The following AKR1C3 variants were observed in gnomAD, a reference collection of about 807,000 sequenced individuals.
AKR1C3 encodes 3-alpha hydroxysteroid dehydrogenase, type II.
A neutral mutation model predicts 43.6 loss-of-function variants in AKR1C3; 48 were observed. The ratio of observed to expected loss-of-function variants is 1.10; its 90% CI spans 0.87 to 1.40. The LOEUF (loss-of-function observed/expected upper bound fraction) is 1.40. Among genes scored for constraint, AKR1C3 ranks in the 40% most tolerant of loss-of-function variants. The pLI is 0.00. For missense variants in AKR1C3, 482 were observed against 391.2 expected (o/e 1.23, Z -1.96); for synonymous variants, 162 against 139.6 (o/e 1.16, Z -1.13).
intron 1 of AKR1C3, among the ~76,000 whole-genome samples, chr10:5,094,796 G>A (rs1220772437): frequency 6.6e-6 from 1 of 152,146 alleles, no homozygotes; most frequent in East Asian, 1.9e-4. Flanking sequence ...GTAAAACTCA[G>A]TATTGAAGAA....
Position 5,105,591 on chromosome 10 carries a change from ATAGGTTTT to A in AKR1C3, c.847-2_852del. 3 of 1,611,784 alleles carry A rather than the reference ATAGGTTTT, an allele frequency of 1.9e-6. No homozygotes were observed. In the South Asian group the frequency reaches 3.3e-5, roughly 18 times the overall value. ...AAATAATAAAAGTTTTTTATTTCTGATAGGTTTTTGAGTTCCAGTTGACTGCAGAGGAC... is the reference window on the plus strand; with the variant it reads ...AAATAATAAAAGTTTTTTATTTCTGATGAGTTCCAGTTGACTGCAGAGGAC... On this transcript the variant is annotated splice_acceptor_variant and splice_polypyrimidine_tract_variant and coding_sequence_variant and intron_variant, in exon 8 of 9. Transcript: ENST00000380554. LOFTEE classifies it high-confidence loss of function.
intron 1 of AKR1C3, among the ~76,000 whole-genome samples, chr10:5,086,599 G>T (rs1165581615): frequency 6.7e-6 from 1 of 150,352 alleles, no homozygotes; most frequent in South Asian, 2.1e-4. Flanking sequence ...GGTCCGCTTG[G>T]TGCAGAGCTG....
intron 1 of AKR1C3, among the ~76,000 whole-genome samples, chr10:5,087,686 TTCTGTATTG>T (rs1211363069): frequency 6.6e-6 from 1 of 152,110 alleles, no homozygotes; most frequent in Non-Finnish European, 1.5e-5. Flanking sequence ...CCTTTATCTT[TTCTGTATTG>T]TATTTTTTTG....
Position 5,099,372 on chromosome 10 carries a change from G to A in AKR1C3, c.493G>A (p.Val165Met). Residue 165 changes from valine (V) to methionine (M), a missense_variant, in exon 5 of 9, where the codon GTG (valine) becomes ATG (methionine). By Grantham distance (21) the Val-to-Met change is conservative. Transcript: ENST00000380554. ...KDAGLAKSIG[V>M]SNFNRRQLEM... The stretch of plus-strand genomic sequence containing the variant: ...TGCAGGATTGGCCAAGTCCATTGGG[G>A]TGTCAAACTTCAACCGCAGGCAGCT... 1 of 1,614,158 alleles carries A rather than the reference G, an allele frequency of 6.2e-7. No individual in the cohort carries two copies. The highest frequency in any genetic ancestry group is 8.5e-7 in the Non-Finnish European group (1 of 1,180,042).
chr10:5,089,543 T>C (rs1588349725), upstream of AKR1C3, among the ~76,000 whole-genome samples: 1 of 152,262 alleles, frequency 6.6e-6, no homozygotes, highest in African/African-American at 2.4e-5. Flanking sequence ...CTCTCAAAGA[T>C]TTAAACTGTA....
intron 1 of AKR1C3, among the ~76,000 whole-genome samples, chr10:5,062,221 C>A (rs1554780312): frequency 6.6e-6 from 1 of 152,174 alleles, no homozygotes; most frequent in African/African-American, 2.4e-5. Flanking sequence ...CTCTGGCGGC[C>A]ACCTTAACCC....
In AKR1C3 at chr10:5,107,467, T is replaced by C. The variant is rs376535618; in HGVS notation, c.936T>C (p.Ala312=). Reference sequence around the variant, plus strand: ...TACATTATTCTCTTTTCAGTTTTGCTAGCCACCCTAATTATCCATATTCAG... The same window carrying C: ...TACATTATTCTCTTTTCAGTTTTGCCAGCCACCCTAATTATCCATATTCAG... ...NLHYFNSDSF[A]SHPNYPYSDE... is the part of the protein sequence containing the mutation. Residue 312 remains alanine (A), a synonymous_variant, in exon 9 of 9, where the codon GCT becomes GCC. Transcript: ENST00000380554. 6.3e-7 allele frequency: 1 copy of C among 1,578,120 alleles called. No individual in the cohort carries two copies. Among genetic ancestry groups the C allele is most frequent in the African/African-American group, 1.4e-5 (1 of 73,984 alleles).
chr10:5,087,018 T>C (rs1838981390), intron 1 of AKR1C3, among the ~76,000 whole-genome samples: 2 of 152,216 alleles, frequency 1.3e-5, no homozygotes, highest in Admixed American at 6.5e-5. Context: ...CTTGACTCTT[T>C]ATCCAATTTG....
At chr10:5,065,172 C>A (rs1838473804) in intron 1 of AKR1C3, among the ~76,000 whole-genome samples, 1 of 152,112 alleles carries the variant, frequency 6.6e-6, no homozygotes, top group African/African-American at 2.4e-5. Context: ...TGTATTAGTT[C>A]AACCATTGTA....
intron 1 of AKR1C3, chr10:5,096,074 A>T (rs1194719442): frequency 1.1e-5 from 2 of 186,346 alleles, no homozygotes; most frequent in African/African-American, 4.7e-5. Flanking sequence ...TCCCTTCTAT[A>T]CTCCATGTGA....
chr10:5,048,910 T>G, intron 1 of AKR1C3: 1 of 1,608,690 alleles, frequency 6.2e-7, no homozygotes. Context: ...TAATAATGTT[T>G]TTGGTGCAGA....
intron 8 of AKR1C3, among the ~76,000 whole-genome samples, chr10:5,106,291 C>G (rs1302793352): frequency 1.3e-5 from 2 of 152,150 alleles, no homozygotes; most frequent in African/African-American, 4.8e-5. Flanking sequence ...CAATATGGAG[C>G]TCTCAAGGCA....
At chr10:5,058,649 G>C (rs1838313362) in intron 1 of AKR1C3, among the ~76,000 whole-genome samples, 1 of 152,164 alleles carries the variant, frequency 6.6e-6, no homozygotes, top group South Asian at 2.1e-4. Flanking sequence ...AACAACCCCT[G>C]CCCAAGAACC....
chr10:5,069,356 A>G (rs1220358067), intron 1 of AKR1C3, among the ~76,000 whole-genome samples: 1 of 152,218 alleles, frequency 6.6e-6, no homozygotes, highest in Non-Finnish European at 1.5e-5. Context: ...GCAGAGAGAG[A>G]AATAGAACTC....
At chr10:5,048,853 C>T (rs782408324) in exon 1 of AKR1C3, 3 of 1,613,898 alleles carry the variant, frequency 1.9e-6, no homozygotes, top group African/African-American at 2.7e-5. Context: ...ATGATGGTCA[C>T]TTCATGCCTG....
upstream of AKR1C3, among the ~76,000 whole-genome samples, chr10:5,090,528 C>T (rs1490856118): frequency 4.6e-5 from 7 of 152,074 alleles, no homozygotes; most frequent in Non-Finnish European, 8.8e-5. Flanking sequence ...TGGGGTAGAA[C>T]CTCTTCACCC....
At chr10:5,073,726 CAG>C (rs1260256836) in intron 1 of AKR1C3, among the ~76,000 whole-genome samples, 3 of 152,092 alleles carry the variant, frequency 2.0e-5, no homozygotes, top group Admixed American at 2.0e-4. Context: ...TTTGGTATTC[CAG>C]AGTTTCTGCC....
chr10:5,086,432 T>C (rs1838966380), intron 1 of AKR1C3, among the ~76,000 whole-genome samples: 1 of 151,692 alleles, frequency 6.6e-6, no homozygotes, highest in Admixed American at 6.6e-5. Flanking sequence ...TGCACTGTGA[T>C]CTGAGAGACA....
At chr10:5,099,590 C>A in intron 5 of AKR1C3, 141 bp downstream of exon 5, 1 of 1,433,674 alleles carries the variant, frequency 7.0e-7, no homozygotes, top group Non-Finnish European at 9.5e-7. Flanking sequence ...TCAAGAAAGG[C>A]GTGAAGATTT....
Sources: allele counts gnomAD v4.1 joint callset (sites outside exome capture counted in the v4.1 genomes callset), GRCh38; gene constraint gnomAD v4.1.1; transcripts MANE v1.5; gene names NCBI Gene and HGNC (gene_info 2026-07-23, HGNC 2026-07-21).